DISP3: variants seen among roughly 807,000 people sequenced by gnomAD.
DISP3 encodes protein dispatched homolog 3.
DISP3 carries 101 observed loss-of-function variants against 135.3 expected under a neutral mutation model. That is an observed-to-expected ratio of 0.75 (90% CI 0.64 to 0.88). The LOEUF is 0.88. DISP3 is among the 40% of genes least tolerant of loss of function. The pLI is 0.00. For missense variants in DISP3, 1,713 were observed against 1,878.6 expected, an observed-to-expected ratio of 0.91 and a Z score of 1.63; for synonymous variants, 856 against 817.0, an observed-to-expected ratio of 1.05 and a Z score of -0.81.
rs1641197026 is a variant in DISP3, at chr1:11,491,982, C to T, written c.-3-9008C>T. On this transcript the variant is annotated intron_variant, in intron 1 of 20. Transcript: ENST00000294484. This position sits in a 1 kb window ranked among gnomAD's most constrained non-coding sequence, Gnocchi z 4.3. ...CTAAAAATACAAAAAATTAGCCGGG[C>T]GTAGTGGCGGGCGCCTGTAGTCCCA... is the stretch of plus-strand genomic sequence containing the variant. 2.7e-5 allele frequency among the ~76,000 whole-genome samples: 4 copies of T among 150,412 alleles called. No individual in the cohort carries two copies. Among genetic ancestry groups the T allele is most frequent in the African/African-American group, 4.9e-5 (2 of 40,768 alleles).
At chr1:11,528,198 G>A (rs963479549) in intron 13 of DISP3, among the ~76,000 whole-genome samples, 10 of 152,176 alleles carry the variant, frequency 6.6e-5, no homozygotes, top group African/African-American at 2.4e-4. Flanking sequence ...GAAGGAGAGC[G>A]AGGGGAGGGC....
rs1229246990 is a variant in DISP3, at chr1:11,519,461, C to T, written c.1996C>T (p.Leu666=). 2 of 1,613,826 alleles carry T rather than the reference C, an allele frequency of 1.2e-6. No homozygotes were observed. The highest frequency in any genetic ancestry group is 1.1e-5 in the South Asian group (1 of 91,082). Reference sequence around the variant, plus strand: ...CCCTGCCCAGGGCCCCATACCCTACCTGGATGATGACATCCCCTTGCTGGA... The same window carrying T: ...CCCTGCCCAGGGCCCCATACCCTACTTGGATGATGACATCCCCTTGCTGGA... ...GSPAQGPIPY[L]DDDIPLLEVE... The change falls in exon 8 of 21, where the codon CTG becomes TTG. Residue 666 remains leucine (L), a synonymous_variant. Coordinates refer to ENST00000294484, the MANE Select transcript of DISP3 (RefSeq NM_020780.2). The surrounding 1 kb of genome is among the most constrained non-coding windows in gnomAD (Gnocchi z 4.3).
chr1:11,535,435 A>C, intron 19 of DISP3, 43 bp from the exon 20 acceptor site: 1 of 1,564,978 alleles, frequency 6.4e-7, no homozygotes, highest in Non-Finnish European at 8.7e-7. Flanking sequence ...TGAGGCCTCC[A>C]GGGCGGGGGA....
At chr1:11,515,058 A>T (rs113348263) in intron 4 of DISP3, among the ~76,000 whole-genome samples, 2 of 152,244 alleles carry the variant, frequency 1.3e-5, no homozygotes, top group Non-Finnish European at 2.9e-5. Flanking sequence ...GCACCAAACT[A>T]TATGCCAGAT....
intron 11 of DISP3, 58 bp from the exon 12 acceptor site, chr1:11,525,118 T>C: frequency 6.3e-7 from 1 of 1,593,314 alleles, no homozygotes; most frequent in Non-Finnish European, 8.6e-7. Context: ...TGCTCCAGGG[T>C]CAGGAGAAGC....
intron 10 of DISP3, among the ~76,000 whole-genome samples, chr1:11,522,585 A>AGCCCAGCCAGGG (rs1642236411): frequency 3.4e-5 from 3 of 88,634 alleles, no homozygotes; most frequent in Non-Finnish European, 4.8e-5. Flanking sequence ...CCCAGCCAAG[A>AGCCCAGCCAGGG]CCCAGCCAGG....
chr1:11,535,278 C>T (rs964960979), intron 19 of DISP3, among the ~76,000 whole-genome samples, 154 bp downstream of exon 19: 1 of 152,170 alleles, frequency 6.6e-6, no homozygotes, highest in Non-Finnish European at 1.5e-5. Flanking sequence ...GTCTGTGCTC[C>T]TGAGCAGAGC....
In DISP3 at chr1:11,529,705, G is replaced by C. The variant is rs1341356620; in HGVS notation, c.2929+19G>C. ...GAGAAAGGTACGGCAAGGGCACACA[G>C]GTGGGGACCTCAAGAGCTGAGACCT... On this transcript the variant is annotated intron_variant, in intron 14 of 20. Transcript: ENST00000294484. This position sits in a 1 kb window ranked among gnomAD's most constrained non-coding sequence, Gnocchi z 4.7. 3.1e-6 allele frequency: 5 copies of C among 1,601,504 alleles called. No homozygotes were observed. The African/African-American group carries it at 6.7e-5, about 21-fold the overall frequency.
intron 3 of DISP3, among the ~76,000 whole-genome samples, chr1:11,507,237 G>A (rs1015599614): frequency 4.6e-5 from 7 of 152,132 alleles, no homozygotes; most frequent in South Asian, 2.1e-4. Context: ...AGTTGAGGAT[G>A]GTTTGCAATC....
At chr1:11,525,811 T>C (rs993072179) in intron 12 of DISP3, among the ~76,000 whole-genome samples, 4 of 152,042 alleles carry the variant, frequency 2.6e-5, no homozygotes, top group East Asian at 1.9e-4. Flanking sequence ...TCTTTTCTTT[T>C]TCTTGGGGGT....
At position 11,512,590 on chromosome 1, in the gene DISP3, A is replaced by T. The variant is rs572738168; in HGVS notation, c.1317-1800A>T. Among the ~76,000 whole-genome samples the T allele has an allele frequency of 7.2e-5, 11 of 152,324 alleles. No individual in the cohort carries two copies. The South Asian group carries it at 2.3e-3, about 32-fold the overall frequency. On this transcript the variant is annotated intron_variant, in intron 3 of 20. Coordinates refer to ENST00000294484, the MANE Select transcript of DISP3 (RefSeq NM_020780.2). ...CACTATCAGCATTTTGCACAAAGCCATTCAACAAGTCTCTAGGAAGTTCCA... is the reference window on the plus strand; with the variant it reads ...CACTATCAGCATTTTGCACAAAGCCTTTCAACAAGTCTCTAGGAAGTTCCA...
At position 11,501,575 on chromosome 1, in the gene DISP3, C is replaced by A; in HGVS notation, c.583C>A (p.Pro195Thr). 1 of 1,591,618 alleles carries A rather than the reference C, an allele frequency of 6.3e-7. No individual in the cohort carries two copies. Among genetic ancestry groups the A allele is most frequent in the Non-Finnish European group, 8.6e-7 (1 of 1,167,126 alleles). ...CCGGGACACTTCCGCGGCTCAAAAG[C>A]CCACAGCCAATCGGAGCGGGCGACT... ...PYRDTSAAQK[P>T]TANRSGRLRR... The change falls in exon 2 of 21, where the codon CCC (proline) becomes ACC (threonine). Residue 195 changes from proline (P) to threonine (T), a missense_variant. Pro to Thr is a conservative substitution (Grantham distance 38). Coordinates refer to ENST00000294484, the MANE Select transcript of DISP3 (RefSeq NM_020780.2). The surrounding 1 kb of genome is among the most constrained non-coding windows in gnomAD (Gnocchi z 4.9).
chr1:11,502,364 G>A (rs1446376007), intron 2 of DISP3, among the ~76,000 whole-genome samples: 1 of 152,222 alleles, frequency 6.6e-6, no homozygotes, highest in South Asian at 2.1e-4. Context: ...GGTGGGCCTC[G>A]GGTGTGAGGC....
rs1252333124 is a variant in DISP3 at position 11,519,971 on chromosome 1, C to T, written c.2200+91C>T. 3.0e-6 allele frequency: 4 copies of T among 1,347,220 alleles called. No individual in the cohort carries two copies. The highest frequency in any genetic ancestry group is 4.1e-6 in the Non-Finnish European group (4 of 985,212). 83.5% of individuals were successfully genotyped at this position (1,347,220 alleles called of 1,614,324 possible). A position where few individuals can be genotyped will look rare whatever the true frequency, so the allele number is the denominator to read the frequency against. On this transcript the variant is annotated intron_variant, in intron 9 of 20. Transcript: ENST00000294484. This position sits in a 1 kb window ranked among gnomAD's most constrained non-coding sequence, Gnocchi z 4.3. ...GAGCCCACCCCCTCTCGCAGATGCCCCAGGGTCAGAGGCCTGGGCTGGGGT... is the reference window on the plus strand; with the variant it reads ...GAGCCCACCCCCTCTCGCAGATGCCTCAGGGTCAGAGGCCTGGGCTGGGGT...
At chr1:11,524,136 C>T (rs755957438) in intron 11 of DISP3, 81 bp downstream of exon 11, 3 of 1,052,486 alleles carry the variant, frequency 2.9e-6, no homozygotes, top group Non-Finnish European at 4.3e-6. Context: ...GATAAAATTC[C>T]TTCTGGATTC....
At chr1:11,525,367 C>G (rs1642383990) in intron 12 of DISP3, 55 bp downstream of exon 12, 3 of 1,576,190 alleles carry the variant, frequency 1.9e-6, no homozygotes, top group Non-Finnish European at 2.6e-6. Flanking sequence ...GTGGGGGGCT[C>G]TCAGGGCCAC....
At chr1:11,504,619 G>A (rs1233712141) in intron 3 of DISP3, among the ~76,000 whole-genome samples, 1 of 152,182 alleles carries the variant, frequency 6.6e-6, no homozygotes, top group South Asian at 2.1e-4. Flanking sequence ...GTGGGAGTGA[G>A]CTAGTTCTCA....
chr1:11,514,606 C>A, intron 4 of DISP3, 80 bp downstream of exon 4: 1 of 1,491,544 alleles, frequency 6.7e-7, no homozygotes, highest in Admixed American at 1.7e-5. Context: ...CTCAAGAATG[C>A]TGCAATACTC....
At chr1:11,487,290 C>T (rs886905901) in intron 1 of DISP3, among the ~76,000 whole-genome samples, 4 of 152,156 alleles carry the variant, frequency 2.6e-5, no homozygotes, top group African/African-American at 4.8e-5. Context: ...GGAGCTTTGG[C>T]TCTGGATTGG....
Sources: allele counts gnomAD v4.1 joint callset (sites outside exome capture counted in the v4.1 genomes callset), GRCh38; gene constraint gnomAD v4.1.1; non-coding constraint Gnocchi (gnomAD v3.1); transcripts MANE v1.5; gene names NCBI Gene and HGNC (gene_info 2026-07-23, HGNC 2026-07-21).